The following KIF13A variants were observed in gnomAD, a reference collection of about 807,000 sequenced individuals.
KIF13A encodes kinesin family member 13A.
In KIF13A, 79 loss-of-function variants were observed where a neutral mutation model predicts 212.2. That is an observed-to-expected ratio of 0.37 (90% CI 0.31 to 0.45). KIF13A has a LOEUF of 0.45. Among genes scored for constraint, KIF13A ranks in the 20% least tolerant of loss-of-function variants. The pLI, the probability that KIF13A is intolerant of heterozygous loss-of-function variation, is 1.00. For missense variants in KIF13A, 1,901 were observed against 2,209.0 expected, an observed-to-expected ratio of 0.86 and a Z score of 2.79; for synonymous variants, 789 against 808.6, an observed-to-expected ratio of 0.98 and a Z score of 0.41.
chr6:17,817,091 A>C lies in KIF13A; in HGVS notation c.1929T>G (p.Ser643Arg). Reference sequence around the variant, plus strand: ...TGTAGGCCAGGCGGTCAGGGCCGCTACTCTGTGGCTGCCTGTCGGGGGAGA... The same window carrying C: ...TGTAGGCCAGGCGGTCAGGGCCGCTCCTCTGTGGCTGCCTGTCGGGGGAGA... Reference protein sequence around the residue: ...QQLSPDRQPQSSGPDRLAYSS... With the variant: ...QQLSPDRQPQRSGPDRLAYSS... The change falls in exon 17 of 39, where the codon AGT (serine) becomes AGG (arginine). Residue 643 changes from serine (S) to arginine (R), a missense_variant. Ser to Arg is a moderately radical substitution (Grantham distance 110). Around this residue, in one of 5 missense-constraint regions of KIF13A, gnomAD observed 534 missense variants for 536.9 expected, o/e 0.99. Coordinates refer to ENST00000259711, the MANE Select transcript of KIF13A (RefSeq NM_022113.6). 1 of 1,613,650 alleles carries C rather than the reference A, an allele frequency of 6.2e-7. No homozygotes were observed.
intron 9 of KIF13A, among the ~76,000 whole-genome samples, chr6:17,847,781 T>C (rs1195693244): frequency 6.6e-6 from 1 of 152,206 alleles, no homozygotes; most frequent in East Asian, 1.9e-4. Context: ...GGTCATTTTA[T>C]CCCTAACAAA....
At chr6:17,940,817 AT>A (rs11325656) in intron 2 of KIF13A, among the ~76,000 whole-genome samples, 103,025 of 140,726 alleles carry the variant, frequency 0.73, 37,029 homozygotes, top group South Asian at 0.84. Context: ...ATGTAAATTT[AT>A]TTTTTTTTTT....
In KIF13A at chr6:17,799,228, T is replaced by C. The variant is rs1045780990; in HGVS notation, c.2790+38A>G. 1 of 1,388,944 alleles carries C rather than the reference T, an allele frequency of 7.2e-7. No individual in the cohort carries two copies. The highest frequency in any genetic ancestry group is 9.6e-7 in the Non-Finnish European group (1 of 1,046,562). The allele number at this position is 1,388,944 out of a possible 1,614,324, so 86.0% of individuals were successfully genotyped here. The stretch of plus-strand genomic sequence containing the variant: ...ATTGTTGAACTGCACCAATTTCTGC[T>C]GCTTCCTACACAGCTCATTTGGTAA... On this transcript the variant is annotated intron_variant, in intron 22 of 38. Transcript: ENST00000259711. This position sits in a 1 kb window ranked among gnomAD's most constrained non-coding sequence, Gnocchi z 4.4.
At chr6:17,782,713 G>A (rs998716120) in intron 29 of KIF13A, among the ~76,000 whole-genome samples, 1 of 152,148 alleles carries the variant, frequency 6.6e-6, no homozygotes, top group African/African-American at 2.4e-5. Context: ...CCTGTAAACT[G>A]TTAGGTTTGT....
chr6:17,969,940 TGAGACG>T, intron 2 of KIF13A, among the ~76,000 whole-genome samples: 1 of 149,860 alleles, frequency 6.7e-6, no homozygotes, highest in East Asian at 2.0e-4. Flanking sequence ...TTTTTTTTTT[TGAGACG>T]GAGTCTCGCT....
chr6:17,858,081 A>ATGTGTGTGTG (rs58092993), intron 4 of KIF13A, among the ~76,000 whole-genome samples: 32 of 144,580 alleles, frequency 2.2e-4, no homozygotes, highest in African/African-American at 8.5e-4. Context: ...TCAAATAGTT[A>ATGTGTGTGTG]TGTGTGTGTG....
At chr6:17,972,321 T>C (rs890716973) in intron 2 of KIF13A, among the ~76,000 whole-genome samples, 6 of 152,228 alleles carry the variant, frequency 3.9e-5, no homozygotes, top group African/African-American at 7.2e-5. Flanking sequence ...TACTAAACTT[T>C]AATTAACTGT....
Position 17,794,823 on chromosome 6 carries a change from G to C in KIF13A, c.2943-119C>G. ...TGCTAGGCACTGTGCCATTTATCTT[G>C]TATAAGTTACTTCCTTATTTAACTC... On this transcript the variant is annotated intron_variant, in intron 23 of 38. Coordinates refer to ENST00000259711, the MANE Select transcript of KIF13A (RefSeq NM_022113.6). This position sits in a 1 kb window ranked among gnomAD's most constrained non-coding sequence, Gnocchi z 4.1. 1.9e-6 allele frequency: 2 copies of C among 1,050,530 alleles called. No homozygotes were observed. Among genetic ancestry groups the C allele is most frequent in the South Asian group, 1.8e-5 (1 of 56,716 alleles). 65.1% of individuals were successfully genotyped at this position (1,050,530 alleles called of 1,614,324 possible). A position where few individuals can be genotyped will look rare whatever the true frequency, so the allele number is the denominator to read the frequency against.
In KIF13A at chr6:17,919,495, T is replaced by A. The variant is rs545798372; in HGVS notation, c.147-21315A>T. Among the ~76,000 whole-genome samples, 1 of 151,936 alleles carries A rather than the reference T, an allele frequency of 6.6e-6. No homozygotes were observed. The highest frequency in any genetic ancestry group is 1.9e-4 in the East Asian group (1 of 5,188). On this transcript the variant is annotated intron_variant, in intron 2 of 38. Coordinates refer to ENST00000259711, the MANE Select transcript of KIF13A (RefSeq NM_022113.6). The surrounding 1 kb of genome is among the most constrained non-coding windows in gnomAD (Gnocchi z 4.1). ...ACATGGTGCTGAGAATAGTAATCAC[T>A]CCTTTTCTCAGAGACTTCAACCCTC...
At chr6:17,890,253 A>G (rs1307709601) in intron 3 of KIF13A, among the ~76,000 whole-genome samples, 1 of 152,054 alleles carries the variant, frequency 6.6e-6, no homozygotes, top group Non-Finnish European at 1.5e-5. Flanking sequence ...AAGGTTCTGA[A>G]TAAATCTTGA....
intron 3 of KIF13A, among the ~76,000 whole-genome samples, chr6:17,884,406 C>T (rs1419833971): frequency 6.6e-6 from 1 of 152,176 alleles, no homozygotes; most frequent in African/African-American, 2.4e-5. Flanking sequence ...CAGGCACCAA[C>T]CTAAATACTT....
In KIF13A at chr6:17,987,430, C is replaced by T. The variant is rs367718683; in HGVS notation, c.34G>A (p.Val12Ile). 3 of 1,352,924 alleles carry T rather than the reference C, an allele frequency of 2.2e-6. No homozygotes were observed. Among genetic ancestry groups the T allele is most frequent in the Non-Finnish European group, 2.9e-6 (3 of 1,022,294 alleles). The allele number at this position is 1,352,924 out of a possible 1,614,324, so 83.8% of individuals were successfully genotyped here. A position where few individuals can be genotyped will look rare whatever the true frequency, so the allele number is the denominator to read the frequency against. The change falls in exon 1 of 39, where the codon GTC (valine) becomes ATC (isoleucine). Residue 12 changes from valine to isoleucine, a missense_variant. Physicochemically the swap from Val to Ile is conservative, Grantham distance 29. Transcript: ENST00000259711. This position sits in a 1 kb window ranked among gnomAD's most constrained non-coding sequence, Gnocchi z 7.7. ...TCACCTCGTCGGTTCATGGGCCGGA[C>T]CCGGACGGCAACTTTTACCTTGGTA... The part of the protein sequence containing the change: ...SDTKVKVAVR[V>I]RPMNRRELEL...
intron 2 of KIF13A, among the ~76,000 whole-genome samples, chr6:17,975,043 G>A (rs1780189095): frequency 6.6e-6 from 1 of 152,234 alleles, no homozygotes; most frequent in Middle Eastern, 3.4e-3. Context: ...CTGGGAACTT[G>A]TTAGAAATGC....
chr6:17,915,176 T>C lies in KIF13A; in HGVS notation c.147-16996A>G, dbSNP rs1774386104. 6.6e-6 allele frequency among the ~76,000 whole-genome samples: 1 copy of C among 152,202 alleles called. No individual in the cohort carries two copies. The highest frequency in any genetic ancestry group is 1.5e-5 in the Non-Finnish European group (1 of 68,034). The stretch of plus-strand genomic sequence containing the variant: ...GCTCCATGTAATAGCTTCAGGGTTA[T>C]TAGCTGAATAATCCCTTAGGTTACA... On this transcript the variant is annotated intron_variant, in intron 2 of 38. Coordinates refer to ENST00000259711, the MANE Select transcript of KIF13A (RefSeq NM_022113.6). The surrounding 1 kb of genome is among the most constrained non-coding windows in gnomAD (Gnocchi z 4.4).
At chr6:17,762,096 G>C (rs964678060), downstream of KIF13A, among the ~76,000 whole-genome samples, 6 of 151,970 alleles carry the variant, frequency 3.9e-5, no homozygotes, top group African/African-American at 1.5e-4. Flanking sequence ...ACAGAGATAG[G>C]ATCTTGCTCT....
At chr6:17,974,975 G>C (rs1479389287) in intron 2 of KIF13A, among the ~76,000 whole-genome samples, 1 of 152,202 alleles carries the variant, frequency 6.6e-6, no homozygotes, top group Non-Finnish European at 1.5e-5. Flanking sequence ...CTATTGGACA[G>C]TGCTGGTCTA....
chr6:17,976,415 C>T (rs945145901), intron 2 of KIF13A, among the ~76,000 whole-genome samples: 3 of 152,252 alleles, frequency 2.0e-5, no homozygotes, highest in Non-Finnish European at 4.4e-5. Flanking sequence ...ACACCCTCCG[C>T]AGCCGCTGGC....
intron 2 of KIF13A, among the ~76,000 whole-genome samples, chr6:17,921,101 A>T (rs764815059): frequency 8.5e-5 from 13 of 152,182 alleles, no homozygotes; most frequent in Non-Finnish European, 1.6e-4. Flanking sequence ...TCAGAGAAGG[A>T]TTACTGCAGC....
chr6:17,785,034 A>AAGC lies in KIF13A; in HGVS notation c.3488+478_3488+480dup, dbSNP rs1204999797. 1.3e-5 allele frequency among the ~76,000 whole-genome samples: 2 copies of AAGC among 152,238 alleles called. No individual in the cohort carries two copies. The highest frequency in any genetic ancestry group is 2.9e-5 in the Non-Finnish European group (2 of 68,042). ...TTATAATAAAAATGAGAATGAGAAT[A>AAGC]AGCAGCAGCAGCTAGGATTTAATGA... On this transcript the variant is annotated intron_variant, in intron 28 of 38. Coordinates refer to ENST00000259711, the MANE Select transcript of KIF13A (RefSeq NM_022113.6). This position sits in a 1 kb window ranked among gnomAD's most constrained non-coding sequence, Gnocchi z 5.8.
Sources: gnomAD v4.1 joint callset for allele counts (sites outside exome capture counted in the v4.1 genomes callset) on GRCh38, gnomAD v4.1.1 for gene constraint, gnomAD v4.1.1 regional missense constraint, Gnocchi (gnomAD v3.1) non-coding constraint, MANE v1.5 for transcripts, NCBI Gene and HGNC (gene_info 2026-07-23, HGNC 2026-07-21) for gene names.